Variants in ZNF345 observed in about 807,000 individuals in gnomAD.
ZNF345 encodes the protein zinc finger protein 345.
For missense variants in ZNF345, 527 were observed against 589.9 expected (o/e 0.89, Z 1.10); for synonymous variants, 166 against 187.9 (o/e 0.88, Z 0.95).
intron 2 of ZNF345, among the ~76,000 whole-genome samples, chr19:36,867,745 T>G (rs1485335564): frequency 6.6e-6 from 1 of 152,328 alleles, no homozygotes; most frequent in Non-Finnish European, 1.5e-5. Context: ...GAGACATTTC[T>G]TTCTCCATTC....
At chr19:36,882,053 T>TGTTG (rs201020813), downstream of ZNF345, among the ~76,000 whole-genome samples, 54 of 148,414 alleles carry the variant, frequency 3.6e-4, no homozygotes, top group African/African-American at 1.3e-3. Context: ...TTTTACTTGT[T>TGTTG]TTTTTTTTAA....
At chr19:36,850,421 A>G (rs887706719), upstream of ZNF345, 2 of 152,282 alleles carry the variant, frequency 1.3e-5, no homozygotes, top group Admixed American at 6.5e-5. Flanking sequence ...GTTAAAGACT[A>G]TTGCAATAGT....
rs144441065 is a variant in ZNF345, at chr19:36,878,167, G to C, written c.1337G>C (p.Arg446Thr). Residue 446 changes from arginine (R) to threonine (T), a missense_variant, in exon 3 of 3, where the codon AGA becomes ACA. Physicochemically the swap from Arg to Thr is moderately conservative, Grantham distance 71 (BLOSUM62 -1). Transcript: ENST00000420450. ...YSGSSLTQHQ[R>T]IHTGEKLYEC... ...GGCTCAAGCCTTACTCAGCATCAGA[G>C]AATTCATACAGGTGAGAAACTTTAT... 2 of 1,614,162 alleles carry C rather than the reference G, an allele frequency of 1.2e-6. No homozygotes were observed. The highest frequency in any genetic ancestry group is 1.3e-5 in the African/African-American group (1 of 75,034).
chr19:36,874,564 T>C (rs185509960), intron 2 of ZNF345, among the ~76,000 whole-genome samples: 40 of 150,778 alleles, frequency 2.7e-4, no homozygotes, highest in Non-Finnish European at 5.2e-4. Flanking sequence ...TTTGGGAGGC[T>C]GAGGTCGGGA....
At chr19:36,858,013 C>T (rs1248077785) in intron 2 of ZNF345, among the ~76,000 whole-genome samples, 2 of 151,974 alleles carry the variant, frequency 1.3e-5, no homozygotes, top group Admixed American at 6.6e-5. Flanking sequence ...CTCCTGACCT[C>T]AGGTGATCCG....
chr19:36,863,624 C>T (rs938066329), intron 2 of ZNF345, among the ~76,000 whole-genome samples: 11 of 152,202 alleles, frequency 7.2e-5, no homozygotes, highest in African/African-American at 2.7e-4. Context: ...CTGTGTTTTT[C>T]AGCAATGTCA....
rs376922609 is a variant in ZNF345, at chr19:36,891,603, A to G, written c.47-1215A>G. On this transcript the variant is annotated intron_variant, in intron 3 of 3. Coordinates refer to the ZNF345 transcript ENST00000526123. ...CACCAGTGTGAATTCTCTGATGTCGAGTAAGATTTGAGCCTTTATTAAAGG... is the reference window on the plus strand; with the variant it reads ...CACCAGTGTGAATTCTCTGATGTCGGGTAAGATTTGAGCCTTTATTAAAGG... 7 of 1,613,602 alleles carry G rather than the reference A, an allele frequency of 4.3e-6. No individual in the cohort carries two copies. In the African/African-American group the frequency reaches 6.7e-5, roughly 15 times the overall value.
chr19:36,883,708 A>G (rs1042628420), downstream of ZNF345, among the ~76,000 whole-genome samples: 2 of 152,184 alleles, frequency 1.3e-5, no homozygotes, highest in Non-Finnish European at 2.9e-5. Context: ...ATAAGCTTAC[A>G]TGTTTTTCCA....
intron 2 of ZNF345, among the ~76,000 whole-genome samples, chr19:36,860,061 C>T (rs1180956100): frequency 6.6e-6 from 1 of 151,996 alleles, no homozygotes; most frequent in Non-Finnish European, 1.5e-5. Flanking sequence ...GGGTACACTC[C>T]ATTCTCCTGC....
chr19:36,882,264 G>A (rs942079129), downstream of ZNF345, among the ~76,000 whole-genome samples: 1 of 151,750 alleles, frequency 6.6e-6, no homozygotes, highest in African/African-American at 2.4e-5. Flanking sequence ...TGTATCTGGG[G>A]CCCATGGTTT....
intron 2 of ZNF345, among the ~76,000 whole-genome samples, chr19:36,855,816 A>G (rs919938026): frequency 2.3e-4 from 35 of 152,186 alleles, no homozygotes; most frequent in African/African-American, 8.4e-4. Flanking sequence ...TGTGTGAGGT[A>G]ATTTCTGCCT....
chr19:36,865,704 G>A (rs1300758438), intron 2 of ZNF345, among the ~76,000 whole-genome samples: 1 of 152,158 alleles, frequency 6.6e-6, no homozygotes, highest in Non-Finnish European at 1.5e-5. Context: ...CATAAGATCT[G>A]CAAACATCAC....
rs993889198 is a variant in ZNF345, at chr19:36,876,821, G to T, written c.-10G>T. On this transcript the variant is annotated 5_prime_UTR_variant, in exon 3 of 3. Transcript: ENST00000420450. ...AAGTTGAGACCAAGAAATTATTTCT[G>T]AAAAAGGATATGGAAAACCTTACAA... 1 of 1,559,200 alleles carries T rather than the reference G, an allele frequency of 6.4e-7. No homozygotes were observed. Among genetic ancestry groups the T allele is most frequent in the South Asian group, 1.2e-5 (1 of 81,872 alleles).
rs2072941904 is a variant in ZNF345 at position 36,878,767 on chromosome 19, T to C, written c.*470T>C. 6.0e-6 allele frequency: 1 copy of C among 167,382 alleles called. No individual in the cohort carries two copies. The highest frequency in any genetic ancestry group is 1.5e-5 in the Non-Finnish European group (1 of 68,350). 10.4% of individuals were successfully genotyped at this position (167,382 alleles called of 1,614,324 possible). A position where few individuals can be genotyped will look rare whatever the true frequency, so the allele number is the denominator to read the frequency against. On this transcript the variant is annotated 3_prime_UTR_variant, in exon 3 of 3. Transcript: ENST00000420450. Reference sequence around the variant, plus strand: ...TTGTCCATTTTCATATTTTTTTTATTGACTATTTGATGGTAAGTTACATTT... The same window carrying C: ...TTGTCCATTTTCATATTTTTTTTATCGACTATTTGATGGTAAGTTACATTT...
chr19:36,885,571 G>T (rs186442499), intron 3 of ZNF345, among the ~76,000 whole-genome samples: 1 of 152,048 alleles, frequency 6.6e-6, no homozygotes, highest in African/African-American at 2.4e-5. Context: ...AAATGTTTGT[G>T]TGCGTGTGTG....
chr19:36,864,814 G>A (rs1201950766), intron 2 of ZNF345, among the ~76,000 whole-genome samples: 4 of 152,076 alleles, frequency 2.6e-5, no homozygotes, highest in Non-Finnish European at 4.4e-5. Flanking sequence ...AGGGTTATAC[G>A]TGCAGGGTTG....
chr19:36,865,990 C>T (rs1180979932), intron 2 of ZNF345, among the ~76,000 whole-genome samples: 1 of 152,082 alleles, frequency 6.6e-6, no homozygotes, highest in Non-Finnish European at 1.5e-5. Context: ...GTTGAAGCAA[C>T]CTTGTATTCC....
At chr19:36,875,150 A>C (rs1246160121) in intron 2 of ZNF345, among the ~76,000 whole-genome samples, 1 of 152,194 alleles carries the variant, frequency 6.6e-6, no homozygotes, top group Non-Finnish European at 1.5e-5. Context: ...ACAGAGGTTA[A>C]ACAAGCATTC....
intron 2 of ZNF345, among the ~76,000 whole-genome samples, chr19:36,874,840 T>G (rs1034865362): frequency 6.6e-6 from 1 of 152,194 alleles, no homozygotes; most frequent in African/African-American, 2.4e-5. Flanking sequence ...TTTAATTTCC[T>G]TTTATGTGGT....
Sources: gnomAD v4.1 joint callset for allele counts (sites outside exome capture counted in the v4.1 genomes callset) on GRCh38, gnomAD v4.1.1 for gene constraint, MANE v1.5 for transcripts, NCBI Gene and HGNC (gene_info 2026-07-23, HGNC 2026-07-21) for gene names.